The following GTF2E2 variants were observed in gnomAD, a reference collection of about 807,000 sequenced individuals.
GTF2E2 encodes the protein general transcription factor IIE subunit 2, also known as transcription initiation factor IIE subunit beta.
Under a neutral mutation model 40.5 loss-of-function variants are expected in GTF2E2, and 21 were observed. The observed-to-expected ratio is 0.52, with a 90% CI of 0.37 to 0.75. The LOEUF (loss-of-function observed/expected upper bound fraction) is 0.75, where lower values mean the gene tolerates loss of function less well. GTF2E2 is among the 30% of genes least tolerant of loss of function. The probability of loss-of-function intolerance (pLI) is 0.00; values close to 1 mark genes in which losing one functional copy is unlikely to be tolerated. For missense variants in GTF2E2, 298 were observed against 338.4 expected, an observed-to-expected ratio of 0.88 and a Z score of 0.94; for synonymous variants, 117 against 121.6, an observed-to-expected ratio of 0.96 and a Z score of 0.25.
intron 3 of GTF2E2, among the ~76,000 whole-genome samples, chr8:30,628,635 T>C (rs1563497416): frequency 6.6e-6 from 1 of 152,176 alleles, no homozygotes; most frequent in Non-Finnish European, 1.5e-5. Flanking sequence ...TAAATTGGTA[T>C]TAAATTTTAC....
At chr8:30,622,432 A>AG (rs1428527533) in intron 3 of GTF2E2, among the ~76,000 whole-genome samples, 2 of 128,150 alleles carry the variant, frequency 1.6e-5, no homozygotes, top group African/African-American at 2.6e-5. Context: ...GTGCTTCACA[A>AG]GATAATAGAG....
chr8:30,584,675 A>C (rs1362687560), intron 6 of GTF2E2: 2 of 152,228 alleles, frequency 1.3e-5, no homozygotes, highest in African/African-American at 4.8e-5. Context: ...AAAATGAGCC[A>C]ACTTACCAAT....
intron 1 of GTF2E2, chr8:30,657,038 G>C (rs911508555): frequency 1.3e-5 from 2 of 152,164 alleles, no homozygotes; most frequent in African/African-American, 4.8e-5. Context: ...ACCAGACCTG[G>C]AACGCTGGTA....
intron 6 of GTF2E2, among the ~76,000 whole-genome samples, chr8:30,581,712 C>T (rs781495131): frequency 2.0e-5 from 3 of 152,216 alleles, no homozygotes; most frequent in Non-Finnish European, 4.4e-5. Context: ...ACATTATGGA[C>T]ATGACCTAAC....
chr8:30,625,499 A>G (rs920793992), intron 3 of GTF2E2, among the ~76,000 whole-genome samples: 2 of 152,178 alleles, frequency 1.3e-5, no homozygotes, highest in South Asian at 4.1e-4. Context: ...TGGTGCTCAC[A>G]GTAACAGGCA....
Position 30,637,085 on chromosome 8 carries a change from G to A in GTF2E2, c.167-1962C>T, listed in dbSNP as rs1445658036. On this transcript the variant is annotated intron_variant, in intron 2 of 7. Transcript: ENST00000355904. ...CCCCTTTTAAATATAATAAAATTGA[G>A]GGTAGTAAGCAGCAGAGTATAGATT... 11 of 394,762 alleles carry A rather than the reference G, an allele frequency of 2.8e-5. No homozygotes were observed. The East Asian group carries it at 7.2e-4, about 26-fold the overall frequency. 24.5% of individuals were successfully genotyped at this position (394,762 alleles called of 1,614,324 possible). A position where few individuals can be genotyped will look rare whatever the true frequency, so the allele number is the denominator to read the frequency against.
intron 2 of GTF2E2, chr8:30,643,464 C>A (rs2128727197): frequency 6.6e-6 from 1 of 152,300 alleles, no homozygotes; most frequent in South Asian, 2.1e-4. Context: ...TGAGACCAGC[C>A]TGACCAACAT....
chr8:30,591,774 G>C (rs1828858110), intron 6 of GTF2E2, among the ~76,000 whole-genome samples: 3 of 152,042 alleles, frequency 2.0e-5, no homozygotes. Flanking sequence ...CTACTCCTAG[G>C]TATATACCTA....
intron 3 of GTF2E2, among the ~76,000 whole-genome samples, chr8:30,625,424 G>A (rs1801242343): frequency 6.6e-6 from 1 of 152,008 alleles, no homozygotes; most frequent in South Asian, 2.1e-4. Context: ...AAAACTCTAA[G>A]GTTCCACAAG....
At chr8:30,651,856 T>C (rs188829973) in intron 2 of GTF2E2, among the ~76,000 whole-genome samples, 1 of 152,328 alleles carries the variant, frequency 6.6e-6, no homozygotes, top group East Asian at 1.9e-4. Flanking sequence ...AGAGAAATGA[T>C]ACTGGCATAA....
intron 6 of GTF2E2, among the ~76,000 whole-genome samples, chr8:30,587,644 A>AT (rs1035643464): frequency 2.0e-5 from 3 of 151,972 alleles, no homozygotes; most frequent in African/African-American, 7.2e-5. Context: ...AGGCCAAGGC[A>AT]TGTGGATCAC....
At chr8:30,626,586 C>T (rs540226472) in intron 3 of GTF2E2, among the ~76,000 whole-genome samples, 1 of 152,300 alleles carries the variant, frequency 6.6e-6, no homozygotes, top group South Asian at 2.1e-4. Context: ...GCATCTATGT[C>T]TTATAAACAT....
intron 2 of GTF2E2, among the ~76,000 whole-genome samples, chr8:30,642,379 A>G (rs1054903758): frequency 2.6e-5 from 4 of 152,100 alleles, no homozygotes; most frequent in Non-Finnish European, 5.9e-5. Context: ...GTTACTCCAT[A>G]CTAATCCATA....
At position 30,620,890 on chromosome 8, in the gene GTF2E2, C is replaced by T. The variant is rs547301941; in HGVS notation, c.259-6175G>A. On this transcript the variant is annotated intron_variant, in intron 3 of 7. Coordinates refer to ENST00000355904, the MANE Select transcript of GTF2E2 (RefSeq NM_002095.6). ...GTTGCAATGAGCCAAGACTGCGCTA[C>T]TGCACTCCAGCCTGGGAAACAGAGT... is the stretch of plus-strand genomic sequence containing the variant. Among the ~76,000 whole-genome samples, 6 of 151,422 alleles carry T rather than the reference C, an allele frequency of 4.0e-5. No individual in the cohort carries two copies. In the South Asian group the frequency reaches 6.3e-4, roughly 16 times the overall value.
chr8:30,592,268 A>G (rs1210722326), intron 6 of GTF2E2, among the ~76,000 whole-genome samples: 1 of 152,190 alleles, frequency 6.6e-6, no homozygotes, highest in Non-Finnish European at 1.5e-5. Flanking sequence ...AGTCCTAGCT[A>G]CTGGGGAGGC....
Position 30,620,765 on chromosome 8 carries a change from C to T in GTF2E2, c.259-6050G>A, listed in dbSNP as rs549443671. On this transcript the variant is annotated intron_variant, in intron 3 of 7. Coordinates refer to ENST00000355904, the MANE Select transcript of GTF2E2 (RefSeq NM_002095.6). ...CCAACATGATGAAACCTCGACTCCA[C>T]AAAAAAAAAAAAAATTAGCCAGGCA... Among the ~76,000 whole-genome samples the T allele has an allele frequency of 2.0e-3, 268 of 131,188 alleles. 2 individuals are homozygous for T. The highest frequency in any genetic ancestry group is 3.8e-3 in the Non-Finnish European group (231 of 60,758). The allele number at this position is 131,188 out of a possible 152,430, so 86.1% of individuals were successfully genotyped here.
intron 2 of GTF2E2, among the ~76,000 whole-genome samples, chr8:30,652,039 A>C (rs942462561): frequency 6.6e-6 from 1 of 152,192 alleles, no homozygotes; most frequent in South Asian, 2.1e-4. Context: ...ATAAATTTTG[A>C]CTCTTATGCT....
At chr8:30,617,079 G>A (rs1800941091) in intron 3 of GTF2E2, among the ~76,000 whole-genome samples, 4 of 152,068 alleles carry the variant, frequency 2.6e-5, no homozygotes, top group African/African-American at 7.2e-5. Flanking sequence ...TTTGTACAAA[G>A]AGATATGTTA....
At chr8:30,646,979 CAAAAAAAAAAAAAAAA>C (rs56762565) in intron 2 of GTF2E2, among the ~76,000 whole-genome samples, 3 of 51,200 alleles carry the variant, frequency 5.9e-5, no homozygotes, top group South Asian at 9.1e-4. Context: ...GACTCCGTCT[CAAAAAAAAAAAAAAAA>C]AAAAAAAAAA....
Sources: gnomAD v4.1 joint callset for allele counts (sites outside exome capture counted in the v4.1 genomes callset) on GRCh38, gnomAD v4.1.1 for gene constraint, MANE v1.5 for transcripts, NCBI Gene and HGNC (gene_info 2026-07-23, HGNC 2026-07-21) for gene names.